SLC38A8: variants seen among roughly 807,000 people sequenced by gnomAD.
The protein encoded by SLC38A8 is amino acid transporter SLC38A8.
A neutral mutation model predicts 46.0 loss-of-function variants in SLC38A8; 65 were observed. That is an observed-to-expected ratio of 1.41 (90% CI 1.16 to 1.74). SLC38A8 has a LOEUF of 1.74. Among genes scored for constraint, SLC38A8 ranks in the 40% most tolerant of loss-of-function variants. The probability of loss-of-function intolerance (pLI) is 0.00; values close to 1 mark genes in which losing one functional copy is unlikely to be tolerated. For synonymous variants in SLC38A8, 447 were observed against 243.7 expected, an observed-to-expected ratio of 1.83 and a Z score of -7.77; for missense variants, 998 against 567.9, an observed-to-expected ratio of 1.76 and a Z score of -7.70.
Position 84,036,928 on chromosome 16 carries a change from TG to T in SLC38A8, c.190-29del. 3 of 1,584,716 alleles carry T rather than the reference TG, an allele frequency of 1.9e-6. No homozygotes were observed. In the East Asian group the frequency reaches 7.0e-5, roughly 37 times the overall value. ...GCGGAGAAGGAGCAGGACCTGGAAC[TG>T]GGGTGTGCCCACAGCCCACCCACCC... On this transcript the variant is annotated intron_variant, in intron 2 of 10. Transcript: ENST00000299709.
Position 84,009,787 on chromosome 16 carries a change from G to A in SLC38A8, c.1305C>T (p.Phe435=), listed in dbSNP as rs111765632. The change falls in exon 11 of 11, where the codon TTC becomes TTT. Residue 435 remains phenylalanine (F), a synonymous_variant. Transcript: ENST00000299709. ...QSTAAAVWEM[F] ...CCTGCCCGGCACTAGCTGCCCATCA[G>A]AACATCTCCCAGACCGCTGCCGCCG... 3 of 1,613,556 alleles carry A rather than the reference G, an allele frequency of 1.9e-6. No homozygotes were observed. The African/African-American group carries it at 4.0e-5, about 22-fold the overall frequency.
chr16:84,016,695 C>G lies in SLC38A8; in HGVS notation c.986G>C (p.Cys329Ser). 1 of 1,613,266 alleles carries G rather than the reference C, an allele frequency of 6.2e-7. No individual in the cohort carries two copies. The highest frequency in any genetic ancestry group is 8.5e-7 in the Non-Finnish European group (1 of 1,179,948). ...GGCGCTGGGCCCCCATCCCCCCAAG[C>G]AGCTCCTCCTCCAGAAGTCCTGCAT... ...SVMQDFWRRS[C>S]LGGWGPSALA... Residue 329 changes from cysteine to serine, a missense_variant, in exon 9 of 11, where the codon TGC (cysteine) becomes TCC (serine). By Grantham distance (112) the Cys-to-Ser change is moderately radical. Transcript: ENST00000299709.
At chr16:84,014,901 G>C (rs748637450) in intron 9 of SLC38A8, among the ~76,000 whole-genome samples, 3 of 152,016 alleles carry the variant, frequency 2.0e-5, no homozygotes, top group Non-Finnish European at 2.9e-5. Context: ...TATTGACAAA[G>C]TTGTCACCAC....
At chr16:84,042,226 C>T in intron 1 of SLC38A8, 67 bp from the exon 2 acceptor site, 1 of 1,500,392 alleles carries the variant, frequency 6.7e-7, no homozygotes, top group East Asian at 2.3e-5. Flanking sequence ...TTCTCGATAT[C>T]CTTATTTGTC....
intron 6 of SLC38A8, among the ~76,000 whole-genome samples, chr16:84,023,488 G>A (rs1039688041): frequency 5.9e-5 from 9 of 152,210 alleles, no homozygotes; most frequent in Middle Eastern, 3.4e-3. Context: ...ACCAAGAGCA[G>A]AGGGCGTAAG....
At chr16:84,039,768 A>T (rs899876232) in intron 2 of SLC38A8, 1 of 67,168 alleles carries the variant, frequency 1.5e-5, no homozygotes. Context: ...AAAAAAAAAA[A>T]GGCAGGGGAA....
At position 84,035,250 on chromosome 16, in the gene SLC38A8, T is replaced by C. The variant is rs151245925; in HGVS notation, c.388+1452A>G. On this transcript the variant is annotated intron_variant, in intron 3 of 10. Coordinates refer to ENST00000299709, the MANE Select transcript of SLC38A8 (RefSeq NM_001080442.3). The stretch of plus-strand genomic sequence containing the variant: ...CTTGCCACTGTGGGGGAGCAGGACG[T>C]TTTTGTGCCCACTTACCCATTAAGA... 4.9e-4 allele frequency among the ~76,000 whole-genome samples: 75 copies of C among 152,244 alleles called. 1 individual carries two copies. Among genetic ancestry groups the C allele is most frequent in the African/African-American group, 1.8e-3 (73 of 41,542 alleles).
At chr16:84,039,164 G>A (rs867030973) in intron 2 of SLC38A8, among the ~76,000 whole-genome samples, 3 of 152,276 alleles carry the variant, frequency 2.0e-5, no homozygotes, top group Non-Finnish European at 4.4e-5. Context: ...CCAGGAGCTC[G>A]AAGAGCCTTT....
intron 9 of SLC38A8, among the ~76,000 whole-genome samples, chr16:84,014,966 G>C (rs1008199464): frequency 7.2e-5 from 11 of 152,048 alleles, no homozygotes; most frequent in Non-Finnish European, 1.2e-4. Flanking sequence ...TTCGAGTTTT[G>C]GAAGACCTGT....
chr16:84,016,686 C>G lies in SLC38A8; in HGVS notation c.995G>C (p.Gly332Ala). 1 of 1,613,300 alleles carries G rather than the reference C, an allele frequency of 6.2e-7. No homozygotes were observed. Among genetic ancestry groups the G allele is most frequent in the Non-Finnish European group, 8.5e-7 (1 of 1,179,958 alleles). Residue 332 changes from glycine to alanine, a missense_variant, in exon 9 of 11, where the codon GGA (glycine) becomes GCA (alanine). Transcript: ENST00000299709. ...GTCGGCCAGGGCGCTGGGCCCCCAT[C>G]CCCCCAAGCAGCTCCTCCTCCAGAA... ...QDFWRRSCLG[G>A]WGPSALADPS... is the part of the protein sequence containing the mutation.
chr16:84,042,142 G>C lies in SLC38A8; in HGVS notation c.16C>G (p.Pro6Ala). 1.9e-6 allele frequency: 3 copies of C among 1,612,394 alleles called. No individual in the cohort carries two copies. The highest frequency in any genetic ancestry group is 1.7e-6 in the Non-Finnish European group (2 of 1,179,296). Residue 6 changes from proline (P) to alanine (A), a missense_variant, in exon 2 of 11, where the codon CCA (proline) becomes GCA (alanine). Transcript: ENST00000299709. The stretch of plus-strand genomic sequence containing the variant: ...TTTTCTGGAAGGCCCCTGCTTCCTG[G>C]GGTCTGTCCCTCCATGGCTAGAGGC... MEGQT[P>A]GSRGLPEKPH...
chr16:84,033,185 A>T, intron 4 of SLC38A8, 143 bp downstream of exon 4: 1 of 1,085,822 alleles, frequency 9.2e-7, no homozygotes, highest in Non-Finnish European at 1.4e-6. Flanking sequence ...CATACATTTT[A>T]CTTGTATAAT....
At chr16:84,018,098 T>C (rs1375788516) in intron 7 of SLC38A8, among the ~76,000 whole-genome samples, 2 of 152,134 alleles carry the variant, frequency 1.3e-5, no homozygotes, top group Admixed American at 6.5e-5. Context: ...CCTACAGTTA[T>C]GAAGGCTGAG....
rs769121489 is a variant in SLC38A8 at position 84,033,404 on chromosome 16, T to A, written c.454A>T (p.Thr152Ser). 1.2e-6 allele frequency: 2 copies of A among 1,613,536 alleles called. No individual in the cohort carries two copies. The highest frequency in any genetic ancestry group is 3.3e-5 in the Admixed American group (2 of 59,984). ...ACCAGCACGGAGAGCAGGGGCAGGGTGAAGCGCTGGTCTGCGTACCACGGC... is the reference window on the plus strand; with the variant it reads ...ACCAGCACGGAGAGCAGGGGCAGGGAGAAGCGCTGGTCTGCGTACCACGGC... ...PQPWYADQRF[T>S]LPLLSVLVIL... Residue 152 changes from threonine (T) to serine (S), a missense_variant, in exon 4 of 11, where the codon ACC (threonine) becomes TCC (serine). Coordinates refer to ENST00000299709, the MANE Select transcript of SLC38A8 (RefSeq NM_001080442.3).
In SLC38A8 at chr16:84,037,806, A is replaced by ATTTTTTTTTT. The variant is rs376247461; in HGVS notation, c.190-916_190-907dup. ...AAAACATCCCTCTATTTCAGCTTCA[A>ATTTTTTTTTT]TTTTTTTTTTTTTTTTTTTGGAGAC... On this transcript the variant is annotated intron_variant, in intron 2 of 10. Coordinates refer to ENST00000299709, the MANE Select transcript of SLC38A8 (RefSeq NM_001080442.3). Among the ~76,000 whole-genome samples the ATTTTTTTTTT allele has an allele frequency of 8.3e-3, 847 of 102,140 alleles. 18 individuals carry two copies. Among genetic ancestry groups the ATTTTTTTTTT allele is most frequent in the East Asian group, 0.039 (108 of 2,794 alleles). 67.0% of individuals were successfully genotyped at this position (102,140 alleles called of 152,430 possible). A position where few individuals can be genotyped will look rare whatever the true frequency, so the allele number is the denominator to read the frequency against.
intron 6 of SLC38A8, among the ~76,000 whole-genome samples, chr16:84,027,731 G>A (rs1415009647): frequency 6.6e-6 from 1 of 152,150 alleles, no homozygotes; most frequent in Non-Finnish European, 1.5e-5. Context: ...GGCATCCCGT[G>A]TCCCTGGAAA....
Position 84,036,699 on chromosome 16 carries a change from T to C in SLC38A8, c.388+3A>G. 1 of 1,614,050 alleles carries C rather than the reference T, an allele frequency of 6.2e-7. No homozygotes were observed. Among genetic ancestry groups the C allele is most frequent in the Non-Finnish European group, 8.5e-7 (1 of 1,180,014 alleles). On this transcript the variant is annotated splice_donor_region_variant and intron_variant, in intron 3 of 10. Transcript: ENST00000299709. ...CCACCCCGAGTCCCATGAAGGTACT[T>C]ACGCTTCTCCAGCTGGTCCCCGATC...
rs142269134 is a variant in SLC38A8 at position 84,032,281 on chromosome 16, C to G, written c.531-313G>C. Among the ~76,000 whole-genome samples the G allele has an allele frequency of 3.3e-5, 5 of 152,256 alleles. No homozygotes were observed. The East Asian group carries it at 9.6e-4, about 29-fold the overall frequency. On this transcript the variant is annotated intron_variant, in intron 4 of 10. Transcript: ENST00000299709. Reference sequence around the variant, plus strand: ...TTGGCTCACTGCAAACTCTGCCTCCCGGGTTCAAGCAATTCTCCTGCCTCA... The same window carrying G: ...TTGGCTCACTGCAAACTCTGCCTCCGGGGTTCAAGCAATTCTCCTGCCTCA...
intron 9 of SLC38A8, 122 bp from the exon 10 acceptor site, chr16:84,013,174 G>A (rs2084974722): frequency 2.8e-6 from 3 of 1,054,358 alleles, no homozygotes; most frequent in African/African-American, 1.6e-5. Context: ...GGGTGCCCCT[G>A]GCTCAGGCCC....
Sources: gnomAD v4.1 joint callset for allele counts (sites outside exome capture counted in the v4.1 genomes callset) on GRCh38, gnomAD v4.1.1 for gene constraint, MANE v1.5 for transcripts, NCBI Gene and HGNC (gene_info 2026-07-23, HGNC 2026-07-21) for gene names.